Variants in PRKN observed in about 807,000 individuals in gnomAD.
The protein encoded by PRKN is E3 ubiquitin-protein ligase parkin.
PRKN carries 56 observed loss-of-function variants against 59.5 expected under a neutral mutation model. The ratio of observed to expected loss-of-function variants is 0.94; its 90% CI spans 0.76 to 1.18. PRKN has a LOEUF of 1.18. Ranked by LOEUF, PRKN falls within the 50% of genes most tolerant of loss-of-function variation. The pLI, the probability that PRKN is intolerant of heterozygous loss-of-function variation, is 0.00. For synonymous variants in PRKN, 250 were observed against 222.1 expected, an observed-to-expected ratio of 1.13 and a Z score of -1.12; for missense variants, 657 against 596.4, an observed-to-expected ratio of 1.10 and a Z score of -1.06.
At chr6:162,120,087 G>C (rs1780840349) in intron 4 of PRKN, among the ~76,000 whole-genome samples, 1 of 152,074 alleles carries the variant, frequency 6.6e-6, no homozygotes, top group African/African-American at 2.4e-5. Context: ...GCGAGACTGT[G>C]GCTCACTGCA....
chr6:161,750,114 TATATACACACAC>T (rs1324165118), intron 7 of PRKN, among the ~76,000 whole-genome samples: 1 of 137,396 alleles, frequency 7.3e-6, no homozygotes, highest in East Asian at 2.5e-4. Context: ...TATATATATA[TATATACACACAC>T]ACACACACAC....
intron 7 of PRKN, among the ~76,000 whole-genome samples, chr6:161,723,007 G>C (rs961603740): frequency 6.6e-6 from 1 of 152,174 alleles, no homozygotes; most frequent in Non-Finnish European, 1.5e-5. Flanking sequence ...GGTGGCTCAT[G>C]CCTGTAATCC....
At chr6:162,233,552 T>A (rs1347027525) in intron 3 of PRKN, among the ~76,000 whole-genome samples, 1 of 152,140 alleles carries the variant, frequency 6.6e-6, no homozygotes, top group Non-Finnish European at 1.5e-5. Flanking sequence ...AGAAAAAACC[T>A]CCTCCTCATT....
chr6:162,136,121 A>C (rs953850207), intron 4 of PRKN, among the ~76,000 whole-genome samples: 5 of 149,512 alleles, frequency 3.3e-5, no homozygotes, highest in East Asian at 1.9e-4. Flanking sequence ...AATATATATA[A>C]ATAAATATAT....
At chr6:162,556,357 G>T (rs1374697609) in intron 1 of PRKN, among the ~76,000 whole-genome samples, 1 of 66,904 alleles carries the variant, frequency 1.5e-5, no homozygotes, top group Non-Finnish European at 3.5e-5. Flanking sequence ...GTGTGTGTGT[G>T]TGTGTGTGTG....
intron 1 of PRKN, among the ~76,000 whole-genome samples, chr6:162,556,245 G>C (rs904887842): frequency 1.3e-5 from 2 of 151,976 alleles, no homozygotes; most frequent in African/African-American, 4.8e-5. Context: ...ACCATTGTAA[G>C]CTCTCTGCGA....
intron 6 of PRKN, among the ~76,000 whole-genome samples, chr6:161,851,468 C>A (rs1793430466): frequency 6.6e-6 from 1 of 151,900 alleles, no homozygotes; most frequent in Non-Finnish European, 1.5e-5. Context: ...TTATATTATG[C>A]ACAAATAATG....
At chr6:161,892,508 T>G (rs947816493) in intron 6 of PRKN, among the ~76,000 whole-genome samples, 3 of 152,082 alleles carry the variant, frequency 2.0e-5, no homozygotes, top group African/African-American at 7.2e-5. Flanking sequence ...AGGTAAGAAC[T>G]AGGGGCATTT....
At chr6:161,505,432 G>A (rs1283681466) in intron 9 of PRKN, among the ~76,000 whole-genome samples, 1 of 151,440 alleles carries the variant, frequency 6.6e-6, no homozygotes, top group Admixed American at 6.6e-5. Flanking sequence ...TTAGCCCTTT[G>A]TCAGATGAGT....
chr6:162,574,287 G>C (rs1780466725), intron 1 of PRKN, among the ~76,000 whole-genome samples: 1 of 152,144 alleles, frequency 6.6e-6, no homozygotes, highest in African/African-American at 2.4e-5. Flanking sequence ...AAAAACGGAG[G>C]GACGTGGAGT....
At chr6:161,783,349 C>G (rs1482899359) in intron 7 of PRKN, among the ~76,000 whole-genome samples, 1 of 151,958 alleles carries the variant, frequency 6.6e-6, no homozygotes, top group Admixed American at 6.6e-5. Context: ...AATGAGCATT[C>G]CAAGCACCAA....
intron 6 of PRKN, among the ~76,000 whole-genome samples, chr6:161,916,808 C>CT (rs761940319): frequency 8.6e-5 from 13 of 151,776 alleles, no homozygotes; most frequent in South Asian, 6.2e-4. Flanking sequence ...TTTTCTTTTT[C>CT]TTTTTTTTGA....
At chr6:161,351,605 G>A (rs546405459) in intron 11 of PRKN, among the ~76,000 whole-genome samples, 7 of 152,222 alleles carry the variant, frequency 4.6e-5, no homozygotes, top group South Asian at 4.1e-4. Flanking sequence ...GATTACAGGC[G>A]TGAGCTACCG....
intron 7 of PRKN, among the ~76,000 whole-genome samples, chr6:161,662,756 A>G (rs1784592572): frequency 6.6e-6 from 1 of 152,180 alleles, no homozygotes; most frequent in Non-Finnish European, 1.5e-5. Flanking sequence ...TTCAGATTTT[A>G]GGAAGGTAAT....
At chr6:161,370,210 A>C (rs933430606) in intron 10 of PRKN, among the ~76,000 whole-genome samples, 3 of 151,962 alleles carry the variant, frequency 2.0e-5, no homozygotes, top group African/African-American at 7.3e-5. Flanking sequence ...ACTGGTCAAT[A>C]TAATGAGACC....
intron 2 of PRKN, among the ~76,000 whole-genome samples, chr6:162,283,263 AT>A (rs1176751051): frequency 1.3e-5 from 2 of 152,068 alleles, no homozygotes; most frequent in Non-Finnish European, 2.9e-5. Context: ...TCTAACTTTT[AT>A]TATCTTTATG....
intron 1 of PRKN, among the ~76,000 whole-genome samples, chr6:162,707,017 T>A (rs576451550): frequency 1.1e-4 from 16 of 152,242 alleles, no homozygotes; most frequent in Admixed American, 7.2e-4. Flanking sequence ...TACCTCAAAA[T>A]TAAGAAAGAT....
At chr6:162,345,290 GA>G (rs1784351069) in intron 2 of PRKN, among the ~76,000 whole-genome samples, 4 of 152,194 alleles carry the variant, frequency 2.6e-5, no homozygotes, top group African/African-American at 9.6e-5. Context: ...GCTACACACA[GA>G]AAGCTGCCCA....
At chr6:161,849,139 C>T (rs1418141148) in intron 6 of PRKN, among the ~76,000 whole-genome samples, 1 of 151,754 alleles carries the variant, frequency 6.6e-6, no homozygotes, top group Non-Finnish European at 1.5e-5. Flanking sequence ...GTTTGTCAGA[C>T]TCTCTACCTC....
Sources: allele counts gnomAD v4.1 joint callset (sites outside exome capture counted in the v4.1 genomes callset), GRCh38; gene constraint gnomAD v4.1.1; transcripts MANE v1.5; gene names NCBI Gene and HGNC (gene_info 2026-07-23, HGNC 2026-07-21).